Variants in COL19A1 observed in about 807,000 individuals in gnomAD.
COL19A1 encodes collagen alpha-1(XIX) chain.
In COL19A1, 159 loss-of-function variants were observed where a neutral mutation model predicts 190.2. That is an observed-to-expected ratio of 0.84 (90% confidence interval 0.73 to 0.95). The LOEUF (loss-of-function observed/expected upper bound fraction) is 0.95, where lower values mean the gene tolerates loss of function less well. Ranked by LOEUF, COL19A1 falls within the 40% of genes least tolerant of loss-of-function variation. The pLI, the probability that COL19A1 is intolerant of heterozygous loss-of-function variation, is 0.00. For missense variants in COL19A1, 1,418 were observed against 1,431.9 expected (o/e 0.99, Z 0.16); for synonymous variants, 509 against 458.9 (o/e 1.11, Z -1.39).
At chr6:70,064,352 AC>A (rs1245911368) in intron 14 of COL19A1, among the ~76,000 whole-genome samples, 2 of 152,072 alleles carry the variant, frequency 1.3e-5, no homozygotes, top group Non-Finnish European at 2.9e-5. Context: ...AGAACCAAAG[AC>A]AAAAACCACA....
intron 11 of COL19A1, among the ~76,000 whole-genome samples, chr6:70,023,280 C>T (rs775559068): frequency 1.3e-5 from 2 of 151,826 alleles, no homozygotes; most frequent in Non-Finnish European, 2.9e-5. Context: ...ACTACAGGCG[C>T]GTGCCACCAT....
In COL19A1 at chr6:70,102,156, C is replaced by G. The variant is rs749590813; in HGVS notation, c.1225-13C>G. The stretch of plus-strand genomic sequence containing the variant: ...GTCACAGTATTTATCATCTATTCTT[C>G]TTTGGTTTCAAGGGAAGACGAGGGA... On this transcript the variant is annotated splice_polypyrimidine_tract_variant and intron_variant, in intron 15 of 50. Transcript: ENST00000620364. The G allele has an allele frequency of 2.5e-6, 4 of 1,609,834 alleles. No individual in the cohort carries two copies. The East Asian group carries it at 8.9e-5, about 36-fold the overall frequency.
chr6:70,145,382 A>T (rs1335717266), intron 25 of COL19A1, among the ~76,000 whole-genome samples: 1 of 152,166 alleles, frequency 6.6e-6, no homozygotes, highest in East Asian at 1.9e-4. Context: ...AGCAACATGG[A>T]TATAGCTAGA....
chr6:70,152,664 T>A (rs1787140484), intron 31 of COL19A1, among the ~76,000 whole-genome samples: 1 of 152,138 alleles, frequency 6.6e-6, no homozygotes, highest in Non-Finnish European at 1.5e-5. Context: ...ACTCTATAGA[T>A]GAGAGACCAG....
chr6:70,181,111 G>T (rs1387762878), intron 44 of COL19A1, among the ~76,000 whole-genome samples: 4 of 152,168 alleles, frequency 2.6e-5, no homozygotes, highest in Non-Finnish European at 5.9e-5. Flanking sequence ...AATGTGCTGG[G>T]CCCTTAGGGA....
At chr6:69,961,771 T>A (rs1384846300) in intron 10 of COL19A1, among the ~76,000 whole-genome samples, 1 of 151,968 alleles carries the variant, frequency 6.6e-6, no homozygotes, top group Admixed American at 6.6e-5. Context: ...ACTATTTAAT[T>A]ATATAATCAT....
chr6:69,944,530 T>C (rs1011107626), intron 9 of COL19A1, among the ~76,000 whole-genome samples: 1 of 152,148 alleles, frequency 6.6e-6, no homozygotes, highest in South Asian at 2.1e-4. Context: ...TGTTAACTAT[T>C]GTTCTACTAC....
intron 16 of COL19A1, among the ~76,000 whole-genome samples, chr6:70,118,840 GGGAGC>G (rs60935881): frequency 0.26 from 38,997 of 151,990 alleles, 5,479 homozygotes; most frequent in South Asian, 0.41. Context: ...TGTTTTTAGA[GGGAGC>G]AGCTGCACTG....
intron 11 of COL19A1, among the ~76,000 whole-genome samples, chr6:69,982,213 A>T (rs536486026): frequency 5.9e-5 from 9 of 151,926 alleles, no homozygotes; most frequent in Non-Finnish European, 1.2e-4. Context: ...ATTTTTTGAG[A>T]TGGAGTCTTG....
chr6:69,946,590 A>C (rs548369901), intron 9 of COL19A1, among the ~76,000 whole-genome samples: 97 of 152,028 alleles, frequency 6.4e-4, no homozygotes, highest in African/African-American at 2.1e-3. Context: ...AAGGAACTTG[A>C]AGCACAAACT....
intron 41 of COL19A1, 123 bp from the exon 42 acceptor site, chr6:70,176,397 C>A (rs1554221784): frequency 1.1e-6 from 1 of 922,332 alleles, no homozygotes; most frequent in South Asian, 1.9e-5. Context: ...CATCTAATAT[C>A]AATAACACTT....
chr6:70,157,430 A>T (rs1787509288), intron 34 of COL19A1, among the ~76,000 whole-genome samples: 1 of 152,178 alleles, frequency 6.6e-6, no homozygotes, highest in Non-Finnish European at 1.5e-5. Context: ...TAGTTTAAAC[A>T]GTTTTGATAC....
chr6:69,871,746 G>A lies in COL19A1; in HGVS notation c.-33+5106G>A, dbSNP rs562536440. Among the ~76,000 whole-genome samples the A allele has an allele frequency of 2.0e-5, 3 of 150,482 alleles. No homozygotes were observed. The South Asian group carries it at 6.4e-4, about 32-fold the overall frequency. ...ATGTTAATGTTTCACAGGCAGATTT[G>A]ATTTGGCTCACTCAAAAACTGGTGC... On this transcript the variant is annotated intron_variant, in intron 1 of 50. Coordinates refer to ENST00000620364, the MANE Select transcript of COL19A1 (RefSeq NM_001858.6).
chr6:69,922,181 A>C (rs1229912594), intron 4 of COL19A1, among the ~76,000 whole-genome samples: 3 of 152,032 alleles, frequency 2.0e-5, no homozygotes, highest in African/African-American at 7.2e-5. Context: ...GTTTTTCTTC[A>C]AATAGCATAA....
intron 31 of COL19A1, among the ~76,000 whole-genome samples, chr6:70,152,526 G>T (rs1787130430): frequency 1.3e-5 from 2 of 152,202 alleles, no homozygotes; most frequent in South Asian, 2.1e-4. Context: ...AAGAATATTT[G>T]TGGGGATTTC....
intron 34 of COL19A1, among the ~76,000 whole-genome samples, chr6:70,160,140 G>T (rs1047511573): frequency 2.0e-5 from 3 of 151,972 alleles, no homozygotes; most frequent in Admixed American, 6.6e-5. Context: ...CCTGAGACTG[G>T]GTAATTTATA....
In COL19A1 at chr6:70,156,345, A is replaced by C. The variant is rs752210579; in HGVS notation, c.2214A>C (p.Gly738=). ...ATATAGGGCCACGGGGTCCTCCAGG[A>C]ATCCCAGGAAGAGAGGGACCAAAGG... The part of the protein sequence containing the change: ...KGDIGPRGPP[G]IPGREGPKGS... Residue 738 remains glycine, a synonymous_variant, in exon 33 of 51, where the codon GGA becomes GGC. Coordinates refer to ENST00000620364, the MANE Select transcript of COL19A1 (RefSeq NM_001858.6). 6.2e-7 allele frequency: 1 copy of C among 1,613,392 alleles called. No homozygotes were observed. Among genetic ancestry groups the C allele is most frequent in the African/African-American group, 1.3e-5 (1 of 74,978 alleles).
chr6:70,200,074 C>T, intron 49 of COL19A1: 1 of 172,738 alleles, frequency 5.8e-6, no homozygotes, highest in Non-Finnish European at 1.3e-5. Context: ...ATTTTTTAGG[C>T]TTCCCCTTTT....
chr6:69,912,383 A>G (rs1380864483), intron 4 of COL19A1, among the ~76,000 whole-genome samples: 1 of 152,216 alleles, frequency 6.6e-6, no homozygotes, highest in Non-Finnish European at 1.5e-5. Flanking sequence ...TTCTACATAC[A>G]TCACTGCTTA....
Sources: gnomAD v4.1 joint callset for allele counts (sites outside exome capture counted in the v4.1 genomes callset) on GRCh38, gnomAD v4.1.1 for gene constraint, MANE v1.5 for transcripts, NCBI Gene and HGNC (gene_info 2026-07-23, HGNC 2026-07-21) for gene names.